The following TPRG1 variants were observed in gnomAD, a reference collection of about 807,000 sequenced individuals.
TPRG1 encodes tumor protein p63 regulated 1.
In TPRG1, 29 loss-of-function variants were observed where a neutral mutation model predicts 29.3. The observed-to-expected ratio is 0.99, with a 90% CI of 0.74 to 1.35. TPRG1 has a LOEUF of 1.35. TPRG1 is among the 40% of genes most tolerant of loss of function. TPRG1 has a pLI of 0.00. For missense variants in TPRG1, 327 were observed against 335.0 expected (o/e 0.98, Z 0.19); for synonymous variants, 130 against 116.8 (o/e 1.11, Z -0.73).
chr3:189,150,002 A>AC (rs1263020502), intron 4 of TPRG1, among the ~76,000 whole-genome samples: 1 of 152,222 alleles, frequency 6.6e-6, no homozygotes, highest in Non-Finnish European at 1.5e-5. Context: ...GGGCACACTG[A>AC]CCAGTGTCCT....
chr3:189,258,916 C>T (rs1466009345), intron 4 of TPRG1, among the ~76,000 whole-genome samples: 1 of 152,182 alleles, frequency 6.6e-6, no homozygotes, highest in African/African-American at 2.4e-5. Context: ...AATTTCAAGC[C>T]AGTGGATCTT....
At chr3:189,175,384 C>G (rs779041935) in intron 1 of TPRG1, among the ~76,000 whole-genome samples, 14 of 152,106 alleles carry the variant, frequency 9.2e-5, no homozygotes, top group Non-Finnish European at 1.9e-4. Flanking sequence ...TACTACAGCT[C>G]AATATAGGGC....
chr3:189,311,835 C>G (rs201464178), intron 5 of TPRG1, among the ~76,000 whole-genome samples: 2 of 148,526 alleles, frequency 1.3e-5, no homozygotes, highest in Admixed American at 6.6e-5. Context: ...TGAAAGCCAA[C>G]AAAACAAAAC....
chr3:189,253,867 T>C (rs1012289272), intron 4 of TPRG1, among the ~76,000 whole-genome samples: 1 of 152,240 alleles, frequency 6.6e-6, no homozygotes, highest in Non-Finnish European at 1.5e-5. Flanking sequence ...ATGAGCTTTT[T>C]TTCATATGTT....
intron 5 of TPRG1, among the ~76,000 whole-genome samples, chr3:189,316,701 C>A (rs747995325): frequency 6.6e-6 from 1 of 152,204 alleles, no homozygotes; most frequent in South Asian, 2.1e-4. Flanking sequence ...TTATCCTAAC[C>A]AACACACAGC....
At chr3:189,227,336 C>A (rs1315379114) in intron 3 of TPRG1, among the ~76,000 whole-genome samples, 1 of 152,262 alleles carries the variant, frequency 6.6e-6, no homozygotes, top group Middle Eastern at 3.4e-3. Context: ...GAATCTCCCC[C>A]ACCTTTCCTA....
chr3:189,312,103 T>TCTCTCTCTCTCTCTCTC (rs1560688768), intron 5 of TPRG1, among the ~76,000 whole-genome samples: 10 of 69,418 alleles, frequency 1.4e-4, no homozygotes, highest in Non-Finnish European at 1.9e-4. Flanking sequence ...CTTTGTTTCT[T>TCTCTCTCTCTCTCTCTC]TGTTTCTTTC....
intron 4 of TPRG1, among the ~76,000 whole-genome samples, chr3:189,069,615 C>T (rs1716685429): frequency 6.6e-6 from 1 of 152,088 alleles, no homozygotes; most frequent in African/African-American, 2.4e-5. Flanking sequence ...TTGCAAATAC[C>T]ACATGACCCA....
At position 189,109,223 on chromosome 3, in the gene TPRG1, G is replaced by C. The variant is rs77650702; in HGVS notation, c.-744+9019G>C. On this transcript the variant is annotated intron_variant, in intron 1 of 6. Transcript: ENST00000412373. ...AATGAAAGATTTCTGTCGTCCGGAGGAAGGATTCTGCCTTTGCTTTACAGC... is the reference window on the plus strand; with the variant it reads ...AATGAAAGATTTCTGTCGTCCGGAGCAAGGATTCTGCCTTTGCTTTACAGC... Among the ~76,000 whole-genome samples the C allele has an allele frequency of 9.6e-3, 1,456 of 152,254 alleles. 22 individuals are homozygous for C. The highest frequency in any genetic ancestry group is 0.034 in the African/African-American group (1,397 of 41,546).
At chr3:189,312,878 C>T (rs772231052) in intron 5 of TPRG1, among the ~76,000 whole-genome samples, 13 of 152,184 alleles carry the variant, frequency 8.5e-5, no homozygotes, top group Non-Finnish European at 1.5e-4. Context: ...GTTCATGTAG[C>T]TCTTACTGGA....
At chr3:189,231,190 C>G (rs1382226136) in intron 3 of TPRG1, among the ~76,000 whole-genome samples, 1 of 151,566 alleles carries the variant, frequency 6.6e-6, no homozygotes, top group Non-Finnish European at 1.5e-5. Flanking sequence ...AATAAAAATA[C>G]AACTAGTTAT....
chr3:189,058,204 C>T (rs963872458), intron 4 of TPRG1, among the ~76,000 whole-genome samples: 3 of 151,982 alleles, frequency 2.0e-5, no homozygotes, highest in East Asian at 1.9e-4. Context: ...TTAGGAAGAG[C>T]GAGGTCCCAG....
chr3:189,275,851 T>C lies in TPRG1; in HGVS notation c.480-34535T>C, dbSNP rs1716046459. Reference sequence around the variant, plus strand: ...TTTTGCCATGCCCTCTATAGGTCCATCACTATGTAAACTGTTGAGGATTCA... The same window carrying C: ...TTTTGCCATGCCCTCTATAGGTCCACCACTATGTAAACTGTTGAGGATTCA... On this transcript the variant is annotated intron_variant, in intron 4 of 5. Transcript: ENST00000345063. Among the ~76,000 whole-genome samples the C allele has an allele frequency of 2.0e-5, 3 of 152,156 alleles. No homozygotes were observed. The South Asian group carries it at 6.2e-4, about 32-fold the overall frequency.
intron 4 of TPRG1, among the ~76,000 whole-genome samples, chr3:189,260,297 G>A (rs543209095): frequency 5.9e-5 from 9 of 152,260 alleles, no homozygotes; most frequent in African/African-American, 2.2e-4. Context: ...AATAGTTTTG[G>A]TAGAAAGACC....
At chr3:189,140,425 G>A (rs918133063) in intron 3 of TPRG1, among the ~76,000 whole-genome samples, 1 of 151,830 alleles carries the variant, frequency 6.6e-6, no homozygotes, top group Admixed American at 6.6e-5. Flanking sequence ...GCATTATAGG[G>A]GATTAAATCC....
Position 189,320,998 on chromosome 3 carries a change from T to A in TPRG1, c.*178T>A. ...TGATTGGACTGATAGATACACACTT[T>A]AGACCTCATACAAGAATAATCAAAT... is the stretch of plus-strand genomic sequence containing the variant. On this transcript the variant is annotated 3_prime_UTR_variant, in exon 6 of 6. Coordinates refer to ENST00000345063, the MANE Select transcript of TPRG1 (RefSeq NM_198485.4). 2.0e-6 allele frequency: 1 copy of A among 493,572 alleles called. No individual in the cohort carries two copies. Among genetic ancestry groups the A allele is most frequent in the African/African-American group, 2.0e-5 (1 of 49,984 alleles). 30.6% of individuals were successfully genotyped at this position (493,572 alleles called of 1,614,324 possible).
intron 4 of TPRG1, among the ~76,000 whole-genome samples, chr3:189,265,753 C>T (rs1173028798): frequency 6.6e-6 from 1 of 152,178 alleles, no homozygotes. Flanking sequence ...TGTAATACTA[C>T]AGCCACCATC....
intron 4 of TPRG1, among the ~76,000 whole-genome samples, chr3:189,276,047 C>CA (rs943274106): frequency 2.7e-4 from 40 of 150,928 alleles, no homozygotes; most frequent in African/African-American, 5.3e-4. Flanking sequence ...TTTCTAGATG[C>CA]AAAAAAAATG....
chr3:189,221,592 G>A (rs1462538156), intron 3 of TPRG1, among the ~76,000 whole-genome samples: 1 of 152,196 alleles, frequency 6.6e-6, no homozygotes, highest in Non-Finnish European at 1.5e-5. Flanking sequence ...GCTTAATTTA[G>A]AAAGATTCTG....
Sources: allele counts gnomAD v4.1 joint callset (sites outside exome capture counted in the v4.1 genomes callset), GRCh38; gene constraint gnomAD v4.1.1; transcripts MANE v1.5; gene names NCBI Gene and HGNC (gene_info 2026-07-23, HGNC 2026-07-21).